ANKS1B: variants seen among roughly 807,000 people sequenced by gnomAD.
ANKS1B encodes the protein ankyrin repeat and sterile alpha motif domain-containing protein 1B.
Under a neutral mutation model 148.3 loss-of-function variants are expected in ANKS1B, and 36 were observed. The observed-to-expected ratio is 0.24, with a 90% CI of 0.19 to 0.32. ANKS1B has a LOEUF of 0.32. ANKS1B is among the 10% of genes least tolerant of loss of function. The pLI, the probability that ANKS1B is intolerant of heterozygous loss-of-function variation, is 1.00. For missense variants in ANKS1B, 1,157 were observed against 1,542.6 expected, an observed-to-expected ratio of 0.75 and a Z score of 4.19; for synonymous variants, 542 against 560.8, an observed-to-expected ratio of 0.97 and a Z score of 0.47.
intron 17 of ANKS1B, among the ~76,000 whole-genome samples, chr12:98,868,851 A>T (rs2099638786): frequency 1.3e-5 from 2 of 152,232 alleles, no homozygotes; most frequent in African/African-American, 2.4e-5. Flanking sequence ...TTTGTGCCAG[A>T]TAACTAATCT....
At chr12:99,549,271 C>T (rs1013123612) in intron 9 of ANKS1B, among the ~76,000 whole-genome samples, 20 of 152,108 alleles carry the variant, frequency 1.3e-4, no homozygotes, top group Non-Finnish European at 1.5e-4. Flanking sequence ...TCACAGTAAG[C>T]GTGATGGCAG....
chr12:99,525,593 A>G (rs950170708), intron 9 of ANKS1B, among the ~76,000 whole-genome samples: 3 of 152,226 alleles, frequency 2.0e-5, no homozygotes, highest in South Asian at 2.1e-4. Flanking sequence ...TGGTATTTCA[A>G]ATCAGTAAGA....
At chr12:99,047,299 C>T (rs1364167206) in intron 17 of ANKS1B, among the ~76,000 whole-genome samples, 2 of 152,052 alleles carry the variant, frequency 1.3e-5, no homozygotes, top group African/African-American at 4.8e-5. Context: ...ACTTGAGAGG[C>T]TGAGGCAGGA....
intron 25 of ANKS1B, among the ~76,000 whole-genome samples, chr12:98,759,022 C>A (rs1208684963): frequency 6.7e-6 from 1 of 149,924 alleles, no homozygotes; most frequent in African/African-American, 2.4e-5. Flanking sequence ...CTCAAGTGAT[C>A]CTCCTGCCTG....
At chr12:99,438,397 C>G (rs12316207) in intron 11 of ANKS1B, among the ~76,000 whole-genome samples, 3,352 of 151,888 alleles carry the variant, frequency 0.022, 125 homozygotes, top group African/African-American at 0.077. Flanking sequence ...CTCTCCAGAA[C>G]CCCATACCAA....
chr12:99,797,251 C>T (rs1370549424), intron 4 of ANKS1B, among the ~76,000 whole-genome samples: 1 of 151,972 alleles, frequency 6.6e-6, no homozygotes, highest in Non-Finnish European at 1.5e-5. Flanking sequence ...AAATCAAGTG[C>T]CTTGTGGCTT....
chr12:99,670,684 G>T (rs1500657), intron 8 of ANKS1B, among the ~76,000 whole-genome samples: 21,774 of 151,940 alleles, frequency 0.14, 2,239 homozygotes, highest in East Asian at 0.47. Flanking sequence ...CTAAAACAAG[G>T]TATTAGAAAA....
intron 17 of ANKS1B, among the ~76,000 whole-genome samples, chr12:98,975,024 CCCTT>C (rs1396619963): frequency 4.3e-5 from 6 of 138,454 alleles, no homozygotes; most frequent in Non-Finnish European, 6.3e-5. Context: ...TCCCTCCCCT[CCCTT>C]CCTTCCTTTT....
chr12:99,424,963 C>A (rs1441604119), intron 11 of ANKS1B, among the ~76,000 whole-genome samples: 1 of 151,976 alleles, frequency 6.6e-6, no homozygotes, highest in African/African-American at 2.4e-5. Context: ...CTGTAACCAG[C>A]CGTTTCTGAA....
chr12:98,879,947 C>CA (rs747618826), intron 17 of ANKS1B, among the ~76,000 whole-genome samples: 1 of 151,972 alleles, frequency 6.6e-6, no homozygotes, highest in East Asian at 1.9e-4. Flanking sequence ...CTTGAATAAA[C>CA]AAAAAAGGAG....
intron 15 of ANKS1B, among the ~76,000 whole-genome samples, chr12:99,141,910 T>C (rs925191183): frequency 2.0e-5 from 3 of 152,080 alleles, no homozygotes; most frequent in African/African-American, 7.2e-5. Flanking sequence ...GAGCAAGTTT[T>C]TCCCATGGAG....
chr12:99,305,441 A>G (rs1848278221), intron 12 of ANKS1B, among the ~76,000 whole-genome samples: 1 of 152,158 alleles, frequency 6.6e-6, no homozygotes, highest in African/African-American at 2.4e-5. Context: ...CAATCTCAAA[A>G]TATTGTTTCC....
rs1287166549 is a variant in ANKS1B at position 99,688,182 on chromosome 12, T to A, written c.1129-32972A>T. Among the ~76,000 whole-genome samples, 3 of 152,216 alleles carry A rather than the reference T, an allele frequency of 2.0e-5. 1 individual carries two copies. Among genetic ancestry groups the A allele is most frequent in the African/African-American group, 7.2e-5 (3 of 41,460 alleles). On this transcript the variant is annotated intron_variant, in intron 8 of 26. Transcript: ENST00000683438. ...TCTGAGAACCGCTGAGTATTGCTTT[T>A]CAGTGGGTCCTTCCCCAGCCTCACT...
chr12:99,837,189 C>G (rs898628561), intron 1 of ANKS1B, among the ~76,000 whole-genome samples: 1 of 152,102 alleles, frequency 6.6e-6, no homozygotes, highest in Non-Finnish European at 1.5e-5. Context: ...AACCTAGAAA[C>G]GTAAGCAGCC....
chr12:99,013,992 CT>C (rs1342488222), intron 17 of ANKS1B, among the ~76,000 whole-genome samples: 2 of 152,048 alleles, frequency 1.3e-5, no homozygotes, highest in African/African-American at 4.8e-5. Context: ...ACCATTGACA[CT>C]CACAGAACTA....
At chr12:99,432,177 A>C (rs2095386492) in intron 11 of ANKS1B, among the ~76,000 whole-genome samples, 1 of 152,180 alleles carries the variant, frequency 6.6e-6, no homozygotes, top group South Asian at 2.1e-4. Context: ...CCCAGCCTGC[A>C]GAAGTGTGAG....
At chr12:99,253,898 G>GT (rs1478773502) in intron 12 of ANKS1B, among the ~76,000 whole-genome samples, 1 of 152,164 alleles carries the variant, frequency 6.6e-6, no homozygotes, top group Non-Finnish European at 1.5e-5. Flanking sequence ...GGATTTTCCT[G>GT]CCAAAGATGT....
At chr12:99,254,886 TC>T (rs2075074879) in intron 12 of ANKS1B, among the ~76,000 whole-genome samples, 1 of 152,216 alleles carries the variant, frequency 6.6e-6, no homozygotes, top group South Asian at 2.1e-4. Context: ...TAATGAACTT[TC>T]TTTTTGGCAT....
chr12:99,542,370 A>G (rs958230405), intron 9 of ANKS1B, among the ~76,000 whole-genome samples: 3 of 152,174 alleles, frequency 2.0e-5, no homozygotes, highest in African/African-American at 4.8e-5. Flanking sequence ...AGATTTGTAC[A>G]CTAAAAATTT....
Sources: gnomAD v4.1 joint callset for allele counts (sites outside exome capture counted in the v4.1 genomes callset) on GRCh38, gnomAD v4.1.1 for gene constraint, MANE v1.5 for transcripts, NCBI Gene and HGNC (gene_info 2026-07-23, HGNC 2026-07-21) for gene names.